Variants in ICA1 observed in about 807,000 individuals in gnomAD.
ICA1 encodes the protein 69 kDa islet cell autoantigen.
A neutral mutation model predicts 71.0 loss-of-function variants in ICA1; 40 were observed. The observed-to-expected ratio is 0.56, with a 90% CI of 0.44 to 0.73. The LOEUF (loss-of-function observed/expected upper bound fraction) is 0.73. ICA1 is among the 30% of genes least tolerant of loss of function. The pLI is 0.00. For missense variants in ICA1, 578 were observed against 576.5 expected (o/e 1.00, Z -0.03); for synonymous variants, 207 against 209.5 (o/e 0.99, Z 0.10).
rs572980751 is a variant in ICA1 at position 8,142,034 on chromosome 7, G to A, written c.903-217C>T. 1.6e-5 allele frequency: 24 copies of A among 1,459,918 alleles called. No individual in the cohort carries two copies. The East Asian group carries it at 4.8e-4, about 29-fold the overall frequency. The allele number at this position is 1,459,918 out of a possible 1,614,324, so 90.4% of individuals were successfully genotyped here. On this transcript the variant is annotated intron_variant, in intron 9 of 13. Transcript: ENST00000402384. ...TAATATCTGAATTTGCTTTCATCTC[G>A]AGGCAAATATTCTGTAAATATCTAG...
chr7:8,149,007 G>A (rs1797948801), intron 8 of ICA1, among the ~76,000 whole-genome samples: 2 of 152,174 alleles, frequency 1.3e-5, no homozygotes, highest in Non-Finnish European at 2.9e-5. Context: ...TTATTTTGAA[G>A]TCCACGACTC....
intron 12 of ICA1, among the ~76,000 whole-genome samples, chr7:8,137,721 G>T (rs946327898): frequency 6.6e-6 from 1 of 152,178 alleles, no homozygotes; most frequent in African/African-American, 2.4e-5. Flanking sequence ...GCTACCTGTC[G>T]TAAGACAGTA....
chr7:8,210,876 AG>A (rs1156534558), intron 6 of ICA1, among the ~76,000 whole-genome samples: 3 of 152,132 alleles, frequency 2.0e-5, no homozygotes, highest in Non-Finnish European at 2.9e-5. Flanking sequence ...CCATGGGCCA[AG>A]GGAAATTTTA....
intron 12 of ICA1, among the ~76,000 whole-genome samples, chr7:8,131,301 C>A (rs1482233073): frequency 1.3e-5 from 2 of 152,220 alleles, no homozygotes; most frequent in African/African-American, 2.4e-5. Flanking sequence ...TGGATCAATA[C>A]ATTCTTTTTT....
chr7:8,187,617 C>G (rs1334131985), intron 6 of ICA1, among the ~76,000 whole-genome samples: 1 of 152,186 alleles, frequency 6.6e-6, no homozygotes, highest in East Asian at 1.9e-4. Context: ...AACTTTTTTA[C>G]TTTATAAACA....
At chr7:8,208,789 T>C (rs1792561770) in intron 6 of ICA1, among the ~76,000 whole-genome samples, 2 of 152,200 alleles carry the variant, frequency 1.3e-5, no homozygotes, top group South Asian at 2.1e-4. Context: ...CAGTCAGTGT[T>C]GGGTGGGGGT....
At chr7:8,137,767 C>A (rs17143586) in intron 12 of ICA1, among the ~76,000 whole-genome samples, 7,920 of 152,248 alleles carry the variant, frequency 0.052, 241 homozygotes, top group African/African-American at 0.085. Context: ...AAGTTTATAT[C>A]CCTAAACCCT....
chr7:8,124,172 G>C (rs1584231310), intron 13 of ICA1, among the ~76,000 whole-genome samples: 1 of 140,754 alleles, frequency 7.1e-6, no homozygotes, highest in East Asian at 2.1e-4. Flanking sequence ...CCAGGCTGGA[G>C]TGCAGTGGCG....
chr7:8,120,174 T>C (rs187710842), intron 13 of ICA1, among the ~76,000 whole-genome samples: 178 of 152,342 alleles, frequency 1.2e-3, no homozygotes, highest in African/African-American at 4.1e-3. Context: ...CATTATTCCC[T>C]TTCCCCGTAG....
chr7:8,233,747 G>A (rs865958842), intron 2 of ICA1, among the ~76,000 whole-genome samples: 20 of 151,794 alleles, frequency 1.3e-4, no homozygotes, highest in Admixed American at 1.2e-3. Context: ...AATTTAAGAC[G>A]GTTGACTTCA....
rs187052048 is a variant in ICA1, at chr7:8,183,752, C to T, written c.580-25100G>A. On this transcript the variant is annotated intron_variant, in intron 6 of 13. Coordinates refer to ENST00000402384, the MANE Select transcript of ICA1 (RefSeq NM_001136020.3). ...TGCTATTATTATTAGGAGTTGCATG[C>T]AAGGCCCTGTGTTTAGCACTATGGA... 1.7e-3 allele frequency among the ~76,000 whole-genome samples: 258 copies of T among 152,212 alleles called. 3 individuals carry two copies. Among genetic ancestry groups the T allele is most frequent in the African/African-American group, 5.9e-3 (247 of 41,524 alleles).
At chr7:8,219,767 G>A (rs1264660893) in intron 5 of ICA1, among the ~76,000 whole-genome samples, 2 of 152,196 alleles carry the variant, frequency 1.3e-5, no homozygotes, top group Non-Finnish European at 2.9e-5. Flanking sequence ...TGGTGTGAAG[G>A]TTTGTGTAAC....
rs1211275143 is a variant in ICA1 at position 8,113,903 on chromosome 7, C to T, written c.*20G>A. On this transcript the variant is annotated 3_prime_UTR_variant, in exon 14 of 14. Coordinates refer to ENST00000402384, the MANE Select transcript of ICA1 (RefSeq NM_001136020.3). This position sits in a 1 kb window ranked among gnomAD's most constrained non-coding sequence, Gnocchi z 4.2. ...AGCTGCTGGGGGCGGCATGTGAGTG[C>T]CCTCCCGAAGGGTACAGATTCATGC... 6.2e-7 allele frequency: 1 copy of T among 1,613,882 alleles called. No individual in the cohort carries two copies. The highest frequency in any genetic ancestry group is 1.7e-5 in the Admixed American group (1 of 60,018).
At chr7:8,229,847 A>G (rs1799715809) in intron 3 of ICA1, among the ~76,000 whole-genome samples, 1 of 152,234 alleles carries the variant, frequency 6.6e-6, no homozygotes, top group African/African-American at 2.4e-5. Context: ...AGCAGTCTGA[A>G]TCTGTCCCTT....
At chr7:8,152,789 CATCACCTCCACCACCACCACCACCA>C (rs1562703459) in intron 8 of ICA1, among the ~76,000 whole-genome samples, 10 of 139,918 alleles carry the variant, frequency 7.1e-5, no homozygotes, top group African/African-American at 2.4e-4. Flanking sequence ...TCACCATCAC[CATCACCTCCACCACCACCACCACCA>C]TCTCCTTCAA....
intron 6 of ICA1, among the ~76,000 whole-genome samples, chr7:8,160,051 T>C (rs764864579): frequency 6.6e-6 from 1 of 152,170 alleles, no homozygotes; most frequent in Non-Finnish European, 1.5e-5. Context: ...CATCATTATA[T>C]TGCCTAGCAA....
In ICA1 at chr7:8,123,957, C is replaced by T. The variant is rs576337133; in HGVS notation, c.1330+3916G>A. Among the ~76,000 whole-genome samples the T allele has an allele frequency of 3.5e-4, 53 of 152,270 alleles. No homozygotes were observed. The highest frequency in any genetic ancestry group is 1.1e-3 in the African/African-American group (45 of 41,548). ...TTCCTCAGTTTCCCAGGCAATAAAA[C>T]GGATAATAGTAGCTGGCTGGGAAGG... On this transcript the variant is annotated intron_variant, in intron 13 of 13. Transcript: ENST00000402384. This position sits in a 1 kb window ranked among gnomAD's most constrained non-coding sequence, Gnocchi z 4.1.
intron 7 of ICA1, 170 bp downstream of exon 7, chr7:8,158,357 G>C (rs545148669): frequency 4.4e-6 from 3 of 685,568 alleles, no homozygotes; most frequent in Non-Finnish European, 4.8e-6. Flanking sequence ...ACTACTATTT[G>C]GTTTGGTTAA....
At chr7:8,160,204 TAAA>T (rs898472364) in intron 6 of ICA1, among the ~76,000 whole-genome samples, 1 of 152,184 alleles carries the variant, frequency 6.6e-6, no homozygotes, top group African/African-American at 2.4e-5. Flanking sequence ...TATTTTCTAA[TAAA>T]AATAAATACA....
Sources: gnomAD v4.1 joint callset for allele counts (sites outside exome capture counted in the v4.1 genomes callset) on GRCh38, gnomAD v4.1.1 for gene constraint, Gnocchi (gnomAD v3.1) non-coding constraint, MANE v1.5 for transcripts, NCBI Gene and HGNC (gene_info 2026-07-23, HGNC 2026-07-21) for gene names.